The following GRAMD1C variants were observed in gnomAD, a reference collection of about 807,000 sequenced individuals.
The protein encoded by GRAMD1C is GRAM domain containing 1C, also known as protein Aster-C.
A neutral mutation model predicts 97.8 loss-of-function variants in GRAMD1C; 89 were observed. The observed-to-expected ratio is 0.91, with a 90% CI of 0.77 to 1.09. The LOEUF is 1.09. Among genes scored for constraint, GRAMD1C ranks in the 50% least tolerant of loss-of-function variants. The probability of loss-of-function intolerance (pLI) is 0.00; values close to 1 mark genes in which losing one functional copy is unlikely to be tolerated. For synonymous variants in GRAMD1C, 256 were observed against 267.0 expected (o/e 0.96, Z 0.40); for missense variants, 740 against 766.4 (o/e 0.97, Z 0.41).
At chr3:113,863,943 A>G (rs1228779336) in intron 2 of GRAMD1C, among the ~76,000 whole-genome samples, 3 of 152,168 alleles carry the variant, frequency 2.0e-5, no homozygotes, top group Non-Finnish European at 4.4e-5. Flanking sequence ...TCCTCTCCTG[A>G]AAATGCTCTT....
chr3:113,887,381 C>T (rs1369207060), intron 6 of GRAMD1C, among the ~76,000 whole-genome samples: 1 of 151,626 alleles, frequency 6.6e-6, no homozygotes, highest in African/African-American at 2.4e-5. Flanking sequence ...TGTGAGCCAC[C>T]ACACCCAGCC....
intron 2 of GRAMD1C, among the ~76,000 whole-genome samples, chr3:113,867,137 T>C (rs1934616082): frequency 6.6e-6 from 1 of 152,152 alleles, no homozygotes; most frequent in Non-Finnish European, 1.5e-5. Flanking sequence ...CCCACCCTTA[T>C]GTCTTTTAAA....
chr3:113,885,965 C>T (rs1935458258), intron 6 of GRAMD1C: 60 of 1,607,568 alleles, frequency 3.7e-5, no homozygotes, highest in Non-Finnish European at 4.9e-5. Flanking sequence ...TGCTGGATGC[C>T]CTCAGGTTCA....
At chr3:113,931,523 T>C (rs1020246930) in intron 11 of GRAMD1C, among the ~76,000 whole-genome samples, 18 of 152,082 alleles carry the variant, frequency 1.2e-4, no homozygotes, top group African/African-American at 4.3e-4. Flanking sequence ...CATGCCTGGC[T>C]AATTTTTGTA....
intron 10 of GRAMD1C, among the ~76,000 whole-genome samples, chr3:113,927,059 T>G (rs915416601): frequency 6.6e-6 from 1 of 152,030 alleles, no homozygotes; most frequent in Non-Finnish European, 1.5e-5. Flanking sequence ...GGGGCGCTGG[T>G]GGGAACCCTT....
intron 7 of GRAMD1C, 141 bp from the exon 8 acceptor site, chr3:113,903,999 A>G: frequency 1.9e-6 from 1 of 537,192 alleles, no homozygotes; most frequent in Non-Finnish European, 3.3e-6. Flanking sequence ...CCTTGTTATA[A>G]GTAAACATTT....
intron 3 of GRAMD1C, among the ~76,000 whole-genome samples, chr3:113,873,330 C>T (rs1419587663): frequency 2.0e-5 from 3 of 152,040 alleles, no homozygotes; most frequent in Non-Finnish European, 4.4e-5. Context: ...AAATAGTCTT[C>T]AGTTAAATAA....
At chr3:113,915,185 C>T (rs974701) in intron 9 of GRAMD1C, among the ~76,000 whole-genome samples, 33,551 of 152,090 alleles carry the variant, frequency 0.22, 3,856 homozygotes, top group African/African-American at 0.29. Flanking sequence ...TGATTACAGT[C>T]ATTCTTGTCT....
chr3:113,844,786 A>G (rs1452580842), intron 2 of GRAMD1C, 137 bp downstream of exon 2: 5 of 602,462 alleles, frequency 8.3e-6, no homozygotes, highest in Non-Finnish European at 1.4e-5. Flanking sequence ...CCAGAGTCCC[A>G]AAGACATTTC....
intron 17 of GRAMD1C, among the ~76,000 whole-genome samples, chr3:113,943,833 G>C (rs897039753): frequency 6.6e-6 from 1 of 152,190 alleles, no homozygotes; most frequent in Non-Finnish European, 1.5e-5. Flanking sequence ...AGAATTGTTT[G>C]AACCCAGGAG....
Position 113,901,023 on chromosome 3 carries a change from C to T in GRAMD1C, c.541-8C>T. On this transcript the variant is annotated splice_region_variant and splice_polypyrimidine_tract_variant and intron_variant, in intron 6 of 17. Coordinates refer to ENST00000358160, the MANE Select transcript of GRAMD1C (RefSeq NM_017577.5). ...CCAATGCTCAGTGTAATTTTTCTGT[C>T]ACTTTAGAGCCTGACTAGACAGGAA... is the stretch of plus-strand genomic sequence containing the variant. 1 of 1,425,432 alleles carries T rather than the reference C, an allele frequency of 7.0e-7. No individual in the cohort carries two copies. The highest frequency in any genetic ancestry group is 9.9e-7 in the Non-Finnish European group (1 of 1,011,042). The allele number at this position is 1,425,432 out of a possible 1,614,324, so 88.3% of individuals were successfully genotyped here.
chr3:113,885,267 C>T (rs1935426318), intron 6 of GRAMD1C: 2 of 1,344,524 alleles, frequency 1.5e-6, no homozygotes, highest in African/African-American at 2.9e-5. Flanking sequence ...CCGTGGGGGC[C>T]TCCGGGGCCG....
At chr3:113,850,483 G>T in intron 2 of GRAMD1C, 1 of 1,511,752 alleles carries the variant, frequency 6.6e-7, no homozygotes, top group Non-Finnish European at 9.2e-7. Context: ...CGGGGCAGAT[G>T]AAGATAATCA....
intron 2 of GRAMD1C, among the ~76,000 whole-genome samples, chr3:113,852,553 CT>C (rs1225946003): frequency 6.6e-6 from 1 of 151,718 alleles, no homozygotes; most frequent in Non-Finnish European, 1.5e-5. Flanking sequence ...ATGTTTCAAA[CT>C]TTTTTTTAAT....
At chr3:113,849,866 C>T (rs71319387) in intron 2 of GRAMD1C, among the ~76,000 whole-genome samples, 52,369 of 150,756 alleles carry the variant, frequency 0.35, 9,215 homozygotes, top group Admixed American at 0.41. Context: ...CCAGTAGGGG[C>T]GGCCGGGCAG....
chr3:113,834,702 A>G (rs962465637), upstream of GRAMD1C, among the ~76,000 whole-genome samples: 2 of 151,440 alleles, frequency 1.3e-5, no homozygotes, highest in African/African-American at 4.9e-5. Flanking sequence ...TTGGAAGCCC[A>G]AGGAGGGTGG....
chr3:113,935,521 T>TGC (rs1937562159), intron 13 of GRAMD1C, among the ~76,000 whole-genome samples: 1 of 151,204 alleles, frequency 6.6e-6, no homozygotes, highest in Non-Finnish European at 1.5e-5. Context: ...CACACACATA[T>TGC]ATGCATGTAT....
chr3:113,876,759 C>A (rs1935053569), intron 5 of GRAMD1C, among the ~76,000 whole-genome samples: 1 of 150,506 alleles, frequency 6.6e-6, no homozygotes. Context: ...TCTTAACCAC[C>A]TGGAAAATTG....
intron 3 of GRAMD1C, among the ~76,000 whole-genome samples, chr3:113,874,542 C>T (rs1934954121): frequency 6.6e-6 from 1 of 151,950 alleles, no homozygotes; most frequent in Admixed American, 6.6e-5. Context: ...ACAGGGTTTC[C>T]CCATGTTGGC....
Sources: allele counts gnomAD v4.1 joint callset (sites outside exome capture counted in the v4.1 genomes callset), GRCh38; gene constraint gnomAD v4.1.1; transcripts MANE v1.5; gene names NCBI Gene and HGNC (gene_info 2026-07-23, HGNC 2026-07-21).